The following ANGPT1 variants were observed in gnomAD, a reference collection of about 807,000 sequenced individuals.
ANGPT1 encodes angiopoietin 1.
In ANGPT1, 17 loss-of-function variants were observed where a neutral mutation model predicts 62.2. That is an observed-to-expected ratio of 0.27 (90% CI 0.19 to 0.41). The LOEUF (loss-of-function observed/expected upper bound fraction) is 0.41. Among genes scored for constraint, ANGPT1 ranks in the 10% least tolerant of loss-of-function variants. The probability of loss-of-function intolerance (pLI) is 1.00; values close to 1 mark genes in which losing one functional copy is unlikely to be tolerated. For synonymous variants in ANGPT1, 199 were observed against 198.9 expected, an observed-to-expected ratio of 1.00 and a Z score of 0.00; for missense variants, 478 against 594.9, an observed-to-expected ratio of 0.80 and a Z score of 2.04.
rs570505038 is a variant in ANGPT1, at chr8:107,473,329, A to G, written c.297+23933T>C. On this transcript the variant is annotated intron_variant, in intron 1 of 8. Transcript: ENST00000517746. ...TTCTTTTTCCTATACAAGTCACAAA[A>G]AGCTTTATAAAGCATGATCCGCTTG... 2.6e-5 allele frequency among the ~76,000 whole-genome samples: 4 copies of G among 152,160 alleles called. No individual in the cohort carries two copies. In the South Asian group the frequency reaches 8.3e-4, roughly 32 times the overall value.
At chr8:107,495,352 C>T (rs1007056211) in intron 1 of ANGPT1, among the ~76,000 whole-genome samples, 1 of 152,218 alleles carries the variant, frequency 6.6e-6, no homozygotes, top group East Asian at 1.9e-4. Context: ...TGGCTATAAT[C>T]TGAAAGCTAT....
rs1259663204 is a variant in ANGPT1, at chr8:107,250,710, T to C, written c.*1145A>G. ...TATAATTATTTTATTTTTTATAGAC[T>C]TCAAAGTGTTTCTTTTATAGACACT... On this transcript the variant is annotated 3_prime_UTR_variant, in exon 9 of 9. Transcript: ENST00000517746. The C allele has an allele frequency of 6.6e-6, 1 of 152,082 alleles. No individual in the cohort carries two copies. The highest frequency in any genetic ancestry group is 1.5e-5 in the Non-Finnish European group (1 of 67,982). 9.4% of individuals were successfully genotyped at this position (152,082 alleles called of 1,614,324 possible). A position where few individuals can be genotyped will look rare whatever the true frequency, so the allele number is the denominator to read the frequency against.
intron 1 of ANGPT1, among the ~76,000 whole-genome samples, chr8:107,466,218 G>A (rs1167986454): frequency 6.6e-6 from 1 of 152,008 alleles, no homozygotes; most frequent in African/African-American, 2.4e-5. Context: ...AGGAATACAA[G>A]GTTTTCCTTG....
At chr8:107,380,500 AT>A (rs923373291) in intron 1 of ANGPT1, among the ~76,000 whole-genome samples, 30 of 150,778 alleles carry the variant, frequency 2.0e-4, no homozygotes, top group East Asian at 9.8e-4. Flanking sequence ...GACTGTTTGG[AT>A]TTTTTTTTCC....
chr8:107,297,383 T>C (rs1183591780), intron 5 of ANGPT1, among the ~76,000 whole-genome samples: 1 of 151,988 alleles, frequency 6.6e-6, no homozygotes, highest in African/African-American at 2.4e-5. Flanking sequence ...AGATATTTTC[T>C]GAGAATTTGA....
At chr8:107,466,088 G>T (rs1812191467) in intron 1 of ANGPT1, among the ~76,000 whole-genome samples, 1 of 152,160 alleles carries the variant, frequency 6.6e-6, no homozygotes, top group Admixed American at 6.5e-5. Context: ...TGAGAGGTTG[G>T]ACTAAGAGGT....
chr8:107,483,494 T>C (rs917996231), intron 1 of ANGPT1, among the ~76,000 whole-genome samples: 1 of 152,122 alleles, frequency 6.6e-6, no homozygotes, highest in African/African-American at 2.4e-5. Context: ...CAAGTGTTTA[T>C]TAATTTTCTT....
intron 5 of ANGPT1, among the ~76,000 whole-genome samples, chr8:107,302,298 G>A (rs1403588423): frequency 6.6e-6 from 1 of 151,858 alleles, no homozygotes; most frequent in Non-Finnish European, 1.5e-5. Context: ...CATGAGGGGA[G>A]GACAGTTGTT....
chr8:107,473,917 A>G (rs907036520), intron 1 of ANGPT1, among the ~76,000 whole-genome samples: 9 of 152,120 alleles, frequency 5.9e-5, no homozygotes, highest in African/African-American at 2.2e-4. Flanking sequence ...TTGACCAATA[A>G]CAAGTTCTGA....
intron 1 of ANGPT1, among the ~76,000 whole-genome samples, chr8:107,467,733 A>G (rs1812240749): frequency 6.6e-6 from 1 of 152,100 alleles, no homozygotes; most frequent in African/African-American, 2.4e-5. Context: ...AGAACAGATA[A>G]AAAAGAAAAG....
chr8:107,308,909 C>T (rs903466025), intron 4 of ANGPT1, among the ~76,000 whole-genome samples: 2 of 152,134 alleles, frequency 1.3e-5, no homozygotes, highest in Admixed American at 1.3e-4. Flanking sequence ...CTTTACCCAA[C>T]CAATTTAAAT....
intron 7 of ANGPT1, among the ~76,000 whole-genome samples, chr8:107,283,806 T>C (rs1254046483): frequency 1.3e-5 from 2 of 152,176 alleles, no homozygotes; most frequent in Non-Finnish European, 2.9e-5. Flanking sequence ...GCATCAAGAA[T>C]TGCATTAATG....
At chr8:107,470,756 C>A (rs1812335243) in intron 1 of ANGPT1, among the ~76,000 whole-genome samples, 1 of 152,050 alleles carries the variant, frequency 6.6e-6, no homozygotes, top group Non-Finnish European at 1.5e-5. Context: ...AGACACTTCT[C>A]AAAAGAAGAC....
At chr8:107,310,941 G>GTA (rs1814837902) in intron 4 of ANGPT1, among the ~76,000 whole-genome samples, 1 of 117,138 alleles carries the variant, frequency 8.5e-6, no homozygotes, top group Non-Finnish European at 1.9e-5. Context: ...GTGTGAGTGT[G>GTA]TGTGTGTGTA....
At chr8:107,439,041 G>A (rs1399585651) in intron 1 of ANGPT1, among the ~76,000 whole-genome samples, 1 of 152,102 alleles carries the variant, frequency 6.6e-6, no homozygotes, top group African/African-American at 2.4e-5. Context: ...TTATGATAGT[G>A]TTTACAATCT....
At chr8:107,361,747 C>T (rs1032490459) in intron 1 of ANGPT1, among the ~76,000 whole-genome samples, 2 of 151,608 alleles carry the variant, frequency 1.3e-5, no homozygotes, top group South Asian at 2.1e-4. Context: ...TATAAGAACA[C>T]GGAATGGTAG....
chr8:107,300,623 T>C (rs60582786), intron 5 of ANGPT1, among the ~76,000 whole-genome samples: 5,793 of 151,962 alleles, frequency 0.038, 234 homozygotes, highest in African/African-American at 0.095. Context: ...TGAAAAGCCA[T>C]GGTGGCCATT....
At position 107,322,008 on chromosome 8, in the gene ANGPT1, C is replaced by T. The variant is rs1423379800; in HGVS notation, c.696G>A (p.Glu232=). 6.2e-7 allele frequency: 1 copy of T among 1,613,850 alleles called. No homozygotes were observed. The highest frequency in any genetic ancestry group is 8.5e-7 in the Non-Finnish European group (1 of 1,179,914). Residue 232 remains glutamate (E), a synonymous_variant, in exon 4 of 9, where the codon GAG becomes GAA. Coordinates refer to ENST00000517746, the MANE Select transcript of ANGPT1 (RefSeq NM_001146.5). ...TAGCTCTGTTTAATTGCTTTTCCAG[C>T]TCCTGGATTATATATGTTTGACGAG... ...LVTRQTYIIQ[E]LEKQLNRATT...
At chr8:107,325,842 T>C (rs1010682158) in intron 3 of ANGPT1, among the ~76,000 whole-genome samples, 1 of 152,128 alleles carries the variant, frequency 6.6e-6, no homozygotes, top group Admixed American at 6.5e-5. Context: ...AGCTGCTATC[T>C]GAGATGTCAG....
Sources: gnomAD v4.1 joint callset for allele counts (sites outside exome capture counted in the v4.1 genomes callset) on GRCh38, gnomAD v4.1.1 for gene constraint, MANE v1.5 for transcripts, NCBI Gene and HGNC (gene_info 2026-07-23, HGNC 2026-07-21) for gene names.